Variants in RASL12 observed in about 807,000 individuals in gnomAD.
RASL12 encodes ras-like protein family member 12.
A neutral mutation model predicts 22.9 loss-of-function variants in RASL12; 16 were observed. That is an observed-to-expected ratio of 0.70 (90% CI 0.47 to 1.06). The LOEUF is 1.06. Among genes scored for constraint, RASL12 ranks in the 50% least tolerant of loss-of-function variants. The pLI is 0.00. For missense variants in RASL12, 306 were observed against 353.1 expected (o/e 0.87, Z 1.07); for synonymous variants, 159 against 152.2 (o/e 1.04, Z -0.33).
At chr15:65,057,640 C>T (rs901465044) in intron 4 of RASL12, among the ~76,000 whole-genome samples, 1 of 152,202 alleles carries the variant, frequency 6.6e-6, no homozygotes, top group Non-Finnish European at 1.5e-5. Flanking sequence ...AGAACCTGCC[C>T]TCAGCCCAGC....
chr15:65,054,281 A>C lies in RASL12; in HGVS notation c.*618T>G, dbSNP rs567878199. 61 of 985,846 alleles carry C rather than the reference A, an allele frequency of 6.2e-5. No individual in the cohort carries two copies. In the African/African-American group the frequency reaches 1.0e-3, roughly 17 times the overall value. The allele number at this position is 985,846 out of a possible 1,614,324, so 61.1% of individuals were successfully genotyped here. A position where few individuals can be genotyped will look rare whatever the true frequency, so the allele number is the denominator to read the frequency against. ...GTCCCTCCCTTTTATCCTCATTGAG[A>C]CGCCAAGTGTTGGAAATACCCCTTC... is the stretch of plus-strand genomic sequence containing the variant. On this transcript the variant is annotated 3_prime_UTR_variant, in exon 5 of 5. Coordinates refer to ENST00000220062, the MANE Select transcript of RASL12 (RefSeq NM_016563.4).
downstream of RASL12, chr15:65,050,117 T>C (rs2086630081): frequency 3.2e-6 from 5 of 1,548,234 alleles, no homozygotes; most frequent in South Asian, 2.4e-5. Flanking sequence ...TGGTGAGAGA[T>C]TGACGGCAGG....
Position 65,054,794 on chromosome 15 carries a change from G to A in RASL12, c.*105C>T, listed in dbSNP as rs2086703086. 4 of 1,510,112 alleles carry A rather than the reference G, an allele frequency of 2.6e-6. No homozygotes were observed. The South Asian group carries it at 4.0e-5, about 15-fold the overall frequency. 93.5% of individuals were successfully genotyped at this position (1,510,112 alleles called of 1,614,324 possible). A position where few individuals can be genotyped will look rare whatever the true frequency, so the allele number is the denominator to read the frequency against. On this transcript the variant is annotated 3_prime_UTR_variant, in exon 5 of 5. Transcript: ENST00000220062. The stretch of plus-strand genomic sequence containing the variant: ...AGGGACACTGCTTGGTGCTGGAGGC[G>A]GGGTCTGCTGTCCATCAGACGGAAA...
At position 65,055,120 on chromosome 15, in the gene RASL12, G is replaced by A. The variant is rs145300526; in HGVS notation, c.580C>T (p.Arg194Trp). Reference sequence around the variant, plus strand: ...CTCTCCTCGGAGATGAAGAGGGGCCGGGTCAGGGGGCTCTTCTCCAGCTCC... The same window carrying A: ...CTCTCCTCGGAGATGAAGAGGGGCCAGGTCAGGGGGCTCTTCTCCAGCTCC... Reference protein sequence around the residue: ...RRELEKSPLTRPLFISEERAL... With the variant: ...RRELEKSPLTWPLFISEERAL... Residue 194 changes from arginine (R) to tryptophan (W), a missense_variant, in exon 5 of 5, where the codon CGG becomes TGG. Coordinates refer to ENST00000220062, the MANE Select transcript of RASL12 (RefSeq NM_016563.4). The A allele has an allele frequency of 3.5e-5, 57 of 1,610,820 alleles. No individual in the cohort carries two copies. In the African/African-American group the frequency reaches 3.9e-4, roughly 11 times the overall value.
chr15:65,075,081 C>A (rs1031065117), intron 1 of RASL12, among the ~76,000 whole-genome samples: 10 of 152,246 alleles, frequency 6.6e-5, no homozygotes, highest in Non-Finnish European at 1.3e-4. Context: ...AGCTGGAGTT[C>A]CAGGTGGGCG....
intron 2 of RASL12, among the ~76,000 whole-genome samples, chr15:65,063,389 C>A (rs2086836607): frequency 6.6e-6 from 1 of 152,136 alleles, no homozygotes; most frequent in Non-Finnish European, 1.5e-5. Context: ...AGTTTCTCCA[C>A]CCCATCTCTA....
At chr15:65,058,952 G>T (rs115506524) in intron 3 of RASL12, among the ~76,000 whole-genome samples, 20 of 152,380 alleles carry the variant, frequency 1.3e-4, no homozygotes, top group African/African-American at 4.8e-4. Context: ...GCTTCTGAGA[G>T]TAACTGGCAT....
At chr15:65,053,164 G>A, downstream of RASL12, 1 of 1,613,782 alleles carries the variant, frequency 6.2e-7, no homozygotes, top group East Asian at 2.2e-5. Context: ...CTGAGAGCTA[G>A]TGAGGGTTCA....
upstream of RASL12, chr15:65,068,220 G>A (rs2086905295): frequency 1.0e-6 from 1 of 990,702 alleles, no homozygotes; most frequent in Non-Finnish European, 1.2e-6. The surrounding 1 kb of genome is among the most constrained non-coding windows in gnomAD (Gnocchi z 4.2). Context: ...GAGCAGAGAA[G>A]GAGCCCCAGG....
At chr15:65,067,581 G>T in intron 1 of RASL12, 152 bp downstream of exon 1, 2 of 931,404 alleles carry the variant, frequency 2.1e-6, no homozygotes, top group Non-Finnish European at 3.0e-6. Flanking sequence ...GGAAACTGAG[G>T]CAAAGAAAAT....
At chr15:65,066,644 G>A (rs1376060748) in intron 1 of RASL12, among the ~76,000 whole-genome samples, 1 of 152,156 alleles carries the variant, frequency 6.6e-6, no homozygotes, top group Non-Finnish European at 1.5e-5. Context: ...TGTAGTCACT[G>A]GCTAAACGGT....
chr15:65,053,397 A>G lies in RASL12; in HGVS notation c.*1502T>C. ...CCTGGAAGGGAGCAGGTGGTATTGCATAGTTTGTTCAGATGGCAGTGGTAC... is the reference window on the plus strand; with the variant it reads ...CCTGGAAGGGAGCAGGTGGTATTGCGTAGTTTGTTCAGATGGCAGTGGTAC... On this transcript the variant is annotated 3_prime_UTR_variant, in exon 5 of 5. Transcript: ENST00000220062. 2 of 1,348,328 alleles carry G rather than the reference A, an allele frequency of 1.5e-6. No individual in the cohort carries two copies. Among genetic ancestry groups the G allele is most frequent in the South Asian group, 3.3e-5 (2 of 61,396 alleles). The allele number at this position is 1,348,328 out of a possible 1,614,324, so 83.5% of individuals were successfully genotyped here.
intron 1 of RASL12, 134 bp downstream of exon 1, chr15:65,067,599 T>C (rs1216892437): frequency 1.9e-6 from 2 of 1,073,638 alleles, no homozygotes; most frequent in African/African-American, 3.4e-5. Flanking sequence ...AATCACGGTG[T>C]CTTGTGCGAC....
At chr15:65,065,479 T>G (rs540451489) in intron 1 of RASL12, among the ~76,000 whole-genome samples, 4 of 152,084 alleles carry the variant, frequency 2.6e-5, no homozygotes, top group South Asian at 2.1e-4. Context: ...TGCCTCTAAT[T>G]GCACCGTGGG....
At chr15:65,072,552 C>T (rs2086939265), upstream of RASL12, among the ~76,000 whole-genome samples, 1 of 152,138 alleles carries the variant, frequency 6.6e-6, no homozygotes, top group African/African-American at 2.4e-5. Flanking sequence ...TGGCAGATAC[C>T]ATTTTACACG....
chr15:65,056,139 C>T lies in RASL12; in HGVS notation c.426-865G>A, dbSNP rs946565941. Among the ~76,000 whole-genome samples, 22 of 152,086 alleles carry T rather than the reference C, an allele frequency of 1.4e-4. 1 individual carries two copies. Among genetic ancestry groups the T allele is most frequent in the African/African-American group, 9.7e-5 (4 of 41,406 alleles). On this transcript the variant is annotated intron_variant, in intron 4 of 4. Transcript: ENST00000220062. The stretch of plus-strand genomic sequence containing the variant: ...TACAAGAGGGAAGAGATGGGGGGGT[C>T]CCTGAGATCTTGGGGCCAAGACTCC...
chr15:65,065,335 G>A (rs1275473203), intron 1 of RASL12, 62 bp from the exon 2 acceptor site: 15 of 1,485,096 alleles, frequency 1.0e-5, no homozygotes, highest in Admixed American at 3.8e-5. Context: ...CTGGCCCCTC[G>A]TTTAAGGGAG....
intron 2 of RASL12, among the ~76,000 whole-genome samples, chr15:65,064,448 T>C (rs75833994): frequency 0.061 from 9,288 of 152,288 alleles, 374 homozygotes; most frequent in Middle Eastern, 0.16. Flanking sequence ...TATACCATGA[T>C]GCAGCGATGA....
downstream of RASL12, among the ~76,000 whole-genome samples, chr15:65,052,770 G>A (rs2086671470): frequency 6.6e-6 from 1 of 152,134 alleles, no homozygotes; most frequent in South Asian, 2.1e-4. Flanking sequence ...TGACAGTAAG[G>A]ATTCCTTGAG....
Sources: gnomAD v4.1 joint callset for allele counts (sites outside exome capture counted in the v4.1 genomes callset) on GRCh38, gnomAD v4.1.1 for gene constraint, Gnocchi (gnomAD v3.1) non-coding constraint, MANE v1.5 for transcripts, NCBI Gene and HGNC (gene_info 2026-07-23, HGNC 2026-07-21) for gene names.